The following DCAF8L2 variants were observed in gnomAD, a reference collection of about 807,000 sequenced individuals.
DCAF8L2 encodes the protein DDB1- and CUL4-associated factor 8-like protein 2.
For missense variants in DCAF8L2, 430 were observed against 490.7 expected (o/e 0.88, Z 1.17); for synonymous variants, 200 against 190.9 (o/e 1.05, Z -0.39).
chrX:27,730,468 A>G (rs1921127273), intron 4 of DCAF8L2, among the ~76,000 whole-genome samples: 1 of 111,125 alleles, frequency 9.0e-6, no homozygotes, highest in South Asian at 3.8e-4. Context: ...CCCAGGCTGG[A>G]GTGCAGTGGT....
the DCAF8L2 span, among the ~76,000 whole-genome samples, chrX:27,528,476 G>GCATATATA: frequency 6.0e-5 from 5 of 83,454 alleles, no homozygotes; most frequent in Admixed American, 1.4e-4. Flanking sequence ...ATGTGTATGT[G>GCATATATA]TATATATATA....
In DCAF8L2 at chrX:27,748,670, G is replaced by C. The variant is rs372187026; in HGVS notation, c.1775G>C (p.Arg592Pro). Residue 592 changes from arginine (R) to proline (P), a missense_variant, in exon 5 of 5, where the codon CGT (arginine) becomes CCT (proline). Arg to Pro is a moderately radical substitution (Grantham distance 103). Coordinates refer to ENST00000451261, the MANE Select transcript of DCAF8L2 (RefSeq NM_001353450.2). The stretch of plus-strand genomic sequence containing the variant: ...CTGCGTCACGTGACGCAGAGAGGTC[G>C]TCACCAGGACTGGAGAAGTGGTGAA... ...FLLRHVTQRG[R>P]HQDWRSGEAE... is the part of the protein sequence containing the mutation. 4 of 1,195,585 alleles carry C rather than the reference G, an allele frequency of 3.3e-6. No homozygotes were observed. The highest frequency in any genetic ancestry group is 4.5e-6 in the Non-Finnish European group (4 of 886,342).
chrX:27,485,703 A>G, the DCAF8L2 span, among the ~76,000 whole-genome samples: 1 of 111,171 alleles, frequency 9.0e-6, no homozygotes, highest in East Asian at 2.8e-4. Flanking sequence ...AATCATAATT[A>G]TATGACACAA....
chrX:27,483,320 A>G, the DCAF8L2 span, among the ~76,000 whole-genome samples: 1 of 111,694 alleles, frequency 9.0e-6, no homozygotes, highest in African/African-American at 3.2e-5. Context: ...TTCACAATTT[A>G]TGAATACAAG....
chrX:27,533,002 G>A, the DCAF8L2 span, among the ~76,000 whole-genome samples: 5 of 103,515 alleles, frequency 4.8e-5, no homozygotes, highest in Non-Finnish European at 2.0e-5. Context: ...ACTTGAACCT[G>A]GGAAGCGGAG....
chrX:27,569,959 A>G, the DCAF8L2 span, among the ~76,000 whole-genome samples: 1 of 112,127 alleles, frequency 8.9e-6, no homozygotes, highest in Non-Finnish European at 1.9e-5. Context: ...AGGTTGAATC[A>G]TATAAAAATT....
chrX:27,504,952 G>C, the DCAF8L2 span, among the ~76,000 whole-genome samples: 2 of 111,023 alleles, frequency 1.8e-5, no homozygotes, highest in Admixed American at 1.9e-4. Flanking sequence ...CCTGTATAAT[G>C]ATTTTTAGCA....
At chrX:27,599,945 A>G (rs1267439994) in intron 1 of DCAF8L2, among the ~76,000 whole-genome samples, 2 of 112,359 alleles carry the variant, frequency 1.8e-5, no homozygotes, top group East Asian at 5.6e-4. Flanking sequence ...CATCTTTACG[A>G]AAAGAAAAAT....
chrX:27,611,522 C>A (rs928154885), intron 1 of DCAF8L2, among the ~76,000 whole-genome samples: 4 of 109,749 alleles, frequency 3.6e-5, no homozygotes, highest in African/African-American at 1.3e-4. Flanking sequence ...TTTACATGTG[C>A]CATTTTGGTT....
chrX:27,635,677 T>C (rs1928468442), intron 2 of DCAF8L2, among the ~76,000 whole-genome samples: 1 of 111,891 alleles, frequency 8.9e-6, no homozygotes, highest in African/African-American at 3.2e-5. Flanking sequence ...AAGAAAATGC[T>C]TCAATTATCA....
intron 4 of DCAF8L2, among the ~76,000 whole-genome samples, chrX:27,718,091 T>G (rs1451037186): frequency 8.9e-6 from 1 of 111,845 alleles, no homozygotes; most frequent in Non-Finnish European, 1.9e-5. Context: ...GTTTTATGAG[T>G]TTTGGTGATT....
chrX:27,710,438 A>T (rs1427881479), intron 3 of DCAF8L2, among the ~76,000 whole-genome samples: 1 of 111,485 alleles, frequency 9.0e-6, no homozygotes, highest in East Asian at 2.8e-4. Context: ...ATTTTTCTTA[A>T]TTTATTTAAA....
intron 3 of DCAF8L2, among the ~76,000 whole-genome samples, chrX:27,696,369 A>G (rs1413100358): frequency 9.0e-6 from 1 of 110,898 alleles, no homozygotes; most frequent in African/African-American, 3.3e-5. Context: ...AATGGAAGGC[A>G]TTGGATGGCA....
rs781462348 is a variant in DCAF8L2, at chrX:27,748,427, G to T, written c.1532G>T (p.Ser511Ile). The T allele has an allele frequency of 8.3e-7, 1 of 1,203,095 alleles. No individual in the cohort carries two copies. The highest frequency in any genetic ancestry group is 1.8e-5 in the African/African-American group (1 of 57,076). The change falls in exon 5 of 5, where the codon AGC (serine) becomes ATC (isoleucine). Residue 511 changes from serine (S) to isoleucine (I), a missense_variant. By Grantham distance (142) the Ser-to-Ile change is moderately radical. Transcript: ENST00000451261. Reference protein sequence around the residue: ...SCQIIQFLKGSREGTINCLEP... With the variant: ...SCQIIQFLKGIREGTINCLEP... ...CAAATCATCCAGTTCCTAAAGGGGAGCAGAGAAGGTACAATAAACTGTCTT... is the reference window on the plus strand; with the variant it reads ...CAAATCATCCAGTTCCTAAAGGGGATCAGAGAAGGTACAATAAACTGTCTT...
chrX:27,541,343 TTTTATTTA>T, the DCAF8L2 span, among the ~76,000 whole-genome samples: 850 of 94,079 alleles, frequency 9.0e-3, 10 homozygotes, highest in African/African-American at 0.027. Context: ...TTATTTTTTA[TTTTATTTA>T]TTTATTTATT....
chrX:27,600,689 A>G (rs1415093413), intron 1 of DCAF8L2, among the ~76,000 whole-genome samples: 1 of 112,208 alleles, frequency 8.9e-6, no homozygotes, highest in African/African-American at 3.2e-5. Context: ...CCTGTATAAC[A>G]ACCAACAAGT....
At chrX:27,717,736 T>A (rs978403635) in intron 4 of DCAF8L2, among the ~76,000 whole-genome samples, 4 of 112,237 alleles carry the variant, frequency 3.6e-5, no homozygotes, top group African/African-American at 9.7e-5. Flanking sequence ...TAATTAGATA[T>A]CATTTGTCAA....
intron 2 of DCAF8L2, among the ~76,000 whole-genome samples, chrX:27,638,125 G>A (rs1281499882): frequency 1.8e-5 from 2 of 112,137 alleles, no homozygotes; most frequent in African/African-American, 6.5e-5. Flanking sequence ...GTATTAGCAA[G>A]GCTGATGAGA....
intron 3 of DCAF8L2, among the ~76,000 whole-genome samples, chrX:27,708,295 G>A (rs1931408383): frequency 8.9e-6 from 1 of 111,905 alleles, no homozygotes; most frequent in South Asian, 3.7e-4. Context: ...ATGGCCTCCA[G>A]CTGCATCTAT....
Sources: allele counts gnomAD v4.1 joint callset (sites outside exome capture counted in the v4.1 genomes callset), GRCh38; gene constraint gnomAD v4.1.1; transcripts MANE v1.5; gene names NCBI Gene and HGNC (gene_info 2026-07-23, HGNC 2026-07-21).